Variants in TRIM5 observed in about 807,000 individuals in gnomAD.
TRIM5 encodes tripartite motif containing 5.
Under a neutral mutation model 35.6 loss-of-function variants are expected in TRIM5, and 31 were observed. The ratio of observed to expected loss-of-function variants is 0.87; its 90% confidence interval spans 0.65 to 1.18. The LOEUF is 1.18. Among genes scored for constraint, TRIM5 ranks in the 50% most tolerant of loss-of-function variants. The pLI is 0.00. For synonymous variants in TRIM5, 243 were observed against 215.6 expected (o/e 1.13, Z -1.11); for missense variants, 609 against 591.6 (o/e 1.03, Z -0.31).
At chr11:5,628,648 C>T in the TRIM5 span, among the ~76,000 whole-genome samples, 1 of 152,196 alleles carries the variant, frequency 6.6e-6, no homozygotes, top group Non-Finnish European at 1.5e-5. Context: ...AGTTGTCACA[C>T]ATCACAGATC....
chr11:5,603,811 C>G, the TRIM5 span: 7 of 1,544,968 alleles, frequency 4.5e-6, no homozygotes, highest in East Asian at 9.1e-5. Flanking sequence ...ATGCTCTGAT[C>G]TAATCTCTTT....
chr11:5,618,901 T>C, the TRIM5 span, among the ~76,000 whole-genome samples: 1 of 152,240 alleles, frequency 6.6e-6, no homozygotes, highest in Non-Finnish European at 1.5e-5. Flanking sequence ...AACCGTGACT[T>C]ATTTGGGAAA....
At chr11:5,667,081 C>A (rs1051338756) in intron 5 of TRIM5, among the ~76,000 whole-genome samples, 1 of 152,082 alleles carries the variant, frequency 6.6e-6, no homozygotes, top group East Asian at 1.9e-4. Context: ...ATGGTGATGG[C>A]GCAGGGGTCC....
At chr11:5,680,281 T>C in intron 1 of TRIM5, 43 bp from the exon 2 acceptor site, 4 of 1,183,026 alleles carry the variant, frequency 3.4e-6, no homozygotes, top group Non-Finnish European at 4.6e-6. Context: ...GTAAGAAAGG[T>C]AGAAATAGAA....
At chr11:5,603,832 T>C in the TRIM5 span, 2 of 1,489,178 alleles carry the variant, frequency 1.3e-6, no homozygotes, top group Non-Finnish European at 1.8e-6. Context: ...GTAGTCTTTA[T>C]TTACCTAGAG....
chr11:5,657,675 A>AAT, the TRIM5 span, among the ~76,000 whole-genome samples: 52,540 of 118,570 alleles, frequency 0.44, 12,271 homozygotes, highest in Non-Finnish European at 0.48. Flanking sequence ...TTTATAATAT[A>AAT]ATATATATAT....
downstream of TRIM5, among the ~76,000 whole-genome samples, chr11:5,660,305 A>G (rs888986290): frequency 3.3e-5 from 5 of 152,120 alleles, no homozygotes; most frequent in African/African-American, 4.8e-5. Context: ...GCAAGTACAT[A>G]TATTGTTAAC....
chr11:5,606,799 G>A, the TRIM5 span, among the ~76,000 whole-genome samples: 3 of 151,974 alleles, frequency 2.0e-5, no homozygotes, highest in Admixed American at 6.6e-5. Context: ...ACTGCCCCAC[G>A]GACATTTAAA....
the TRIM5 span, chr11:5,619,688 A>ATTTTTT: frequency 5.9e-4 from 39 of 66,028 alleles, no homozygotes; most frequent in African/African-American, 1.2e-3. Flanking sequence ...CCTGTTTTAA[A>ATTTTTT]TTTTTTTTTT....
chr11:5,594,509 G>A, the TRIM5 span, among the ~76,000 whole-genome samples: 1 of 152,004 alleles, frequency 6.6e-6, no homozygotes, highest in Non-Finnish European at 1.5e-5. Flanking sequence ...GTCTTACTAT[G>A]TTGCCCAGGT....
At chr11:5,601,724 C>G in the TRIM5 span, among the ~76,000 whole-genome samples, 1 of 152,186 alleles carries the variant, frequency 6.6e-6, no homozygotes, top group Non-Finnish European at 1.5e-5. Context: ...TGCCACTGCC[C>G]TCCAGCCTGG....
the TRIM5 span, chr11:5,605,634 T>C: frequency 2.6e-6 from 4 of 1,510,302 alleles, no homozygotes; most frequent in African/African-American, 5.6e-5. Flanking sequence ...CCTTCCTTTC[T>C]GGGACATCAG....
the TRIM5 span, among the ~76,000 whole-genome samples, chr11:5,592,938 GAAAAAGAAAA>G: frequency 8.5e-6 from 1 of 117,126 alleles, no homozygotes; most frequent in Non-Finnish European, 1.8e-5. Context: ...AAAGAAAAAA[GAAAAAGAAAA>G]AAGAAGAAAA....
chr11:5,683,529 A>T (rs1462580564), intron 1 of TRIM5, among the ~76,000 whole-genome samples: 1 of 151,242 alleles, frequency 6.6e-6, no homozygotes, highest in South Asian at 2.1e-4. Flanking sequence ...TGTCTAGCGA[A>T]GGGATTGTAA....
chr11:5,678,762 G>A lies in TRIM5; in HGVS notation c.513+312C>T, dbSNP rs936786372. 3.3e-5 allele frequency among the ~76,000 whole-genome samples: 5 copies of A among 152,116 alleles called. 1 individual carries two copies. The East Asian group carries it at 9.6e-4, about 29-fold the overall frequency. Reference sequence around the variant, plus strand: ...CTCCCTGCCAAAAGTTGAACACTGAGGACAGAATCATGAGCCATTGCCAAA... The same window carrying A: ...CTCCCTGCCAAAAGTTGAACACTGAAGACAGAATCATGAGCCATTGCCAAA... On this transcript the variant is annotated intron_variant, in intron 3 of 7. Transcript: ENST00000380034.
chr11:5,647,480 A>G, the TRIM5 span, among the ~76,000 whole-genome samples: 19 of 152,144 alleles, frequency 1.2e-4, no homozygotes, highest in Non-Finnish European at 2.9e-5. Flanking sequence ...TGAATGAAAA[A>G]TTTGGGGTGC....
chr11:5,595,348 G>C, the TRIM5 span: 1 of 152,144 alleles, frequency 6.6e-6, no homozygotes, highest in Non-Finnish European at 1.5e-5. Flanking sequence ...GTATTCATCA[G>C]ACCTAAATAA....
At chr11:5,657,474 T>A in the TRIM5 span, among the ~76,000 whole-genome samples, 1 of 137,184 alleles carries the variant, frequency 7.3e-6, no homozygotes, top group Non-Finnish European at 1.6e-5. Flanking sequence ...TATAAAATAT[T>A]TATATATAAT....
At chr11:5,605,415 C>T in the TRIM5 span, 67 of 1,613,984 alleles carry the variant, frequency 4.2e-5, no homozygotes, top group South Asian at 4.6e-4. Context: ...AGTGGAGCAA[C>T]GGGAGCTGAA....
Sources: gnomAD v4.1 joint callset for allele counts (sites outside exome capture counted in the v4.1 genomes callset) on GRCh38, gnomAD v4.1.1 for gene constraint, MANE v1.5 for transcripts, NCBI Gene and HGNC (gene_info 2026-07-23, HGNC 2026-07-21) for gene names.